STX8: variants seen among roughly 807,000 people sequenced by gnomAD.
STX8 encodes the protein syntaxin 8.
Under a neutral mutation model 37.5 loss-of-function variants are expected in STX8, and 23 were observed. The ratio of observed to expected loss-of-function variants is 0.61; its 90% CI spans 0.44 to 0.87. The LOEUF (loss-of-function observed/expected upper bound fraction) is 0.87, where lower values mean the gene tolerates loss of function less well. STX8 is among the 40% of genes least tolerant of loss of function. STX8 has a pLI of 0.00. For missense variants in STX8, 313 were observed against 284.7 expected, an observed-to-expected ratio of 1.10 and a Z score of -0.71; for synonymous variants, 115 against 99.1, an observed-to-expected ratio of 1.16 and a Z score of -0.95.
At chr17:9,378,467 C>T (rs1440037800) in intron 7 of STX8, 85 bp downstream of exon 7, 4 of 1,226,120 alleles carry the variant, frequency 3.3e-6, no homozygotes, top group South Asian at 1.3e-5. Flanking sequence ...CAAATCCCCA[C>T]AGTAATTAGA....
In STX8 at chr17:9,461,743, CTAT is replaced by C. The variant is rs538704518; in HGVS notation, c.541+30083_541+30085del. 2.2e-3 allele frequency among the ~76,000 whole-genome samples: 329 copies of C among 152,022 alleles called. 3 individuals are homozygous for C. The highest frequency in any genetic ancestry group is 7.5e-3 in the African/African-American group (310 of 41,478). ...ATTACATTTATCGCGCACTTTATTT[CTAT>C]TATTATTATTATAATATATAATGAA... On this transcript the variant is annotated intron_variant, in intron 6 of 7. Coordinates refer to ENST00000306357, the MANE Select transcript of STX8 (RefSeq NM_004853.3).
At chr17:9,413,476 G>T (rs570428902) in intron 6 of STX8, among the ~76,000 whole-genome samples, 2 of 152,304 alleles carry the variant, frequency 1.3e-5, no homozygotes, top group South Asian at 4.2e-4. Flanking sequence ...AGACTTGTAG[G>T]TTATTTACAT....
intron 6 of STX8, among the ~76,000 whole-genome samples, chr17:9,406,277 T>G (rs912224714): frequency 2.0e-5 from 3 of 152,200 alleles, no homozygotes; most frequent in African/African-American, 7.2e-5. Flanking sequence ...TCCCATGGTG[T>G]TGTTCAGTGT....
At chr17:9,574,669 G>C (rs555552113) in intron 1 of STX8, among the ~76,000 whole-genome samples, 1 of 151,960 alleles carries the variant, frequency 6.6e-6, no homozygotes, top group South Asian at 2.1e-4. Context: ...CGAGTAGCTG[G>C]GATTACAGGC....
At chr17:9,361,836 T>C (rs1019089977) in intron 7 of STX8, among the ~76,000 whole-genome samples, 3 of 152,172 alleles carry the variant, frequency 2.0e-5, no homozygotes, top group African/African-American at 7.2e-5. Context: ...ATATTTGAAT[T>C]TCCATTTAGA....
At chr17:9,570,258 T>C (rs1228858004) in intron 1 of STX8, among the ~76,000 whole-genome samples, 1 of 152,084 alleles carries the variant, frequency 6.6e-6, no homozygotes, top group Non-Finnish European at 1.5e-5. Context: ...GGAATCTTAC[T>C]AGAATAATTA....
chr17:9,360,372 T>C lies in STX8; in HGVS notation c.643+18180A>G, dbSNP rs1025140218. ...GCCTCAGCCTCCCGAGTAGCTGGGA[T>C]TACAGTCGTGCACCACCACGCCCAG... On this transcript the variant is annotated intron_variant, in intron 7 of 7. Coordinates refer to ENST00000306357, the MANE Select transcript of STX8 (RefSeq NM_004853.3). Among the ~76,000 whole-genome samples the C allele has an allele frequency of 2.1e-4, 32 of 151,698 alleles. 1 individual carries two copies. The East Asian group carries it at 4.3e-3, about 20-fold the overall frequency.
intron 6 of STX8, among the ~76,000 whole-genome samples, chr17:9,460,654 C>CA (rs1217505745): frequency 9.2e-6 from 1 of 108,970 alleles, no homozygotes; most frequent in Non-Finnish European, 1.7e-5. Context: ...GCCTGGGAGA[C>CA]AAGAGTGAGA....
In STX8 at chr17:9,545,185, G is replaced by C. The variant is rs771831619; in HGVS notation, c.310C>G (p.Pro104Ala). Residue 104 changes from proline to alanine, a missense_variant, in exon 4 of 8, where the codon CCA becomes GCA. Transcript: ENST00000306357. ...AAAACATCCTACCTGATTAGATCTGGTTCGGCACCCTCATTCTTAAAGGAT... is the reference window on the plus strand; with the variant it reads ...AAAACATCCTACCTGATTAGATCTGCTTCGGCACCCTCATTCTTAAAGGAT... The part of the protein sequence containing the change: ...LASFKNEGAE[P>A]DLIRSSLMSE... 2 of 1,613,232 alleles carry C rather than the reference G, an allele frequency of 1.2e-6. No individual in the cohort carries two copies. Among genetic ancestry groups the C allele is most frequent in the Non-Finnish European group, 1.7e-6 (2 of 1,179,318 alleles).
intron 7 of STX8, among the ~76,000 whole-genome samples, chr17:9,297,416 A>C (rs1201537158): frequency 6.6e-6 from 1 of 152,194 alleles, no homozygotes; most frequent in Non-Finnish European, 1.5e-5. Context: ...AAGGAAGCTT[A>C]GAGTCAGGGC....
intron 6 of STX8, among the ~76,000 whole-genome samples, chr17:9,437,032 TAA>T (rs750781157): frequency 2.6e-5 from 4 of 152,334 alleles, no homozygotes; most frequent in Non-Finnish European, 5.9e-5. Context: ...ATCATGCCTT[TAA>T]AAGCCTGTGA....
intron 7 of STX8, among the ~76,000 whole-genome samples, chr17:9,330,665 C>G (rs78523880): frequency 0.026 from 4,021 of 152,328 alleles, 167 homozygotes; most frequent in African/African-American, 0.091. Flanking sequence ...TTACGAACAA[C>G]AAGGGATGGC....
At chr17:9,450,866 C>G (rs1403539525) in intron 6 of STX8, among the ~76,000 whole-genome samples, 1 of 151,900 alleles carries the variant, frequency 6.6e-6, no homozygotes, top group Non-Finnish European at 1.5e-5. Flanking sequence ...GCAGGAAGTC[C>G]AAATGACATC....
intron 7 of STX8, among the ~76,000 whole-genome samples, chr17:9,299,578 G>A (rs1357625159): frequency 6.6e-6 from 1 of 151,622 alleles, no homozygotes; most frequent in African/African-American, 2.4e-5. Context: ...TGAGTAGCTG[G>A]GACTACAGGC....
chr17:9,465,828 T>C (rs1905590154), intron 6 of STX8, among the ~76,000 whole-genome samples: 1 of 152,142 alleles, frequency 6.6e-6, no homozygotes, highest in African/African-American at 2.4e-5. Flanking sequence ...AACTGTAAGG[T>C]AGGTACAATC....
At chr17:9,278,759 T>C (rs1222926577) in intron 7 of STX8, among the ~76,000 whole-genome samples, 1 of 150,754 alleles carries the variant, frequency 6.6e-6, no homozygotes, top group Non-Finnish European at 1.5e-5. Context: ...AGAGGAAAGA[T>C]CACGGGGAGG....
chr17:9,539,594 T>C (rs184614548), intron 4 of STX8, among the ~76,000 whole-genome samples: 2 of 152,266 alleles, frequency 1.3e-5, no homozygotes, highest in East Asian at 1.9e-4. Context: ...GCCACCATGC[T>C]TCTGGAAGTC....
At chr17:9,573,080 A>ACCCCCCCCCCCCCCCCCC (rs71135994) in intron 1 of STX8, among the ~76,000 whole-genome samples, 4 of 101,576 alleles carry the variant, frequency 3.9e-5, no homozygotes, top group East Asian at 3.1e-4. Flanking sequence ...CACCCCCAAC[A>ACCCCCCCCCCCCCCCCCC]CCCCCCCCCA....
At chr17:9,403,728 C>T (rs1912706761) in intron 6 of STX8, among the ~76,000 whole-genome samples, 1 of 151,942 alleles carries the variant, frequency 6.6e-6, no homozygotes, top group Non-Finnish European at 1.5e-5. Context: ...CTCACTGCAA[C>T]CTCTGCCTCC....
Sources: gnomAD v4.1 joint callset for allele counts (sites outside exome capture counted in the v4.1 genomes callset) on GRCh38, gnomAD v4.1.1 for gene constraint, MANE v1.5 for transcripts, NCBI Gene and HGNC (gene_info 2026-07-23, HGNC 2026-07-21) for gene names.